SNTG1: variants seen among roughly 807,000 people sequenced by gnomAD.
SNTG1 encodes gamma-1-syntrophin.
A neutral mutation model predicts 74.7 loss-of-function variants in SNTG1; 39 were observed. That is an observed-to-expected ratio of 0.52 (90% CI 0.40 to 0.68). The LOEUF (loss-of-function observed/expected upper bound fraction) is 0.68. SNTG1 is among the 30% of genes least tolerant of loss of function. The probability of loss-of-function intolerance (pLI) is 0.00; values close to 1 mark genes in which losing one functional copy is unlikely to be tolerated. For synonymous variants in SNTG1, 254 were observed against 217.1 expected, an observed-to-expected ratio of 1.17 and a Z score of -1.49; for missense variants, 685 against 609.5, an observed-to-expected ratio of 1.12 and a Z score of -1.30.
chr8:50,286,874 G>A (rs773015283), intron 2 of SNTG1: 1 of 152,150 alleles, frequency 6.6e-6, no homozygotes, highest in Non-Finnish European at 1.5e-5. Context: ...CCATGACTCA[G>A]CTGAAGCAGC....
chr8:50,033,160 G>T (rs1230397651), intron 1 of SNTG1, among the ~76,000 whole-genome samples: 1 of 151,614 alleles, frequency 6.6e-6, no homozygotes, highest in Non-Finnish European at 1.5e-5. Flanking sequence ...TTGTTGCCCG[G>T]GTTGGAGTGC....
Position 50,020,196 on chromosome 8 carries a change from G to T in SNTG1, c.-103+107965G>T, listed in dbSNP as rs192182540. On this transcript the variant is annotated intron_variant, in intron 1 of 18. Transcript: ENST00000642720. ...GGAAAATGTTTTGCTTTGATGTAAA[G>T]CTCTTCCCCTCCTCCTCTTTTATCT... Among the ~76,000 whole-genome samples the T allele has an allele frequency of 2.6e-5, 4 of 152,268 alleles. No individual in the cohort carries two copies. In the East Asian group the frequency reaches 7.7e-4, roughly 29 times the overall value.
Position 50,529,417 on chromosome 8 carries a change from G to A in SNTG1, c.467-760G>A, listed in dbSNP as rs191821007. Among the ~76,000 whole-genome samples the A allele has an allele frequency of 3.9e-5, 6 of 152,020 alleles. No homozygotes were observed. The East Asian group carries it at 1.2e-3, about 29-fold the overall frequency. On this transcript the variant is annotated intron_variant, in intron 9 of 18. Coordinates refer to ENST00000642720, the MANE Select transcript of SNTG1 (RefSeq NM_018967.5). ...AGTAGTGTTCCCTATGACCTATGAT[G>A]TTTGAAATCAAGTATAATATTTCAA... is the stretch of plus-strand genomic sequence containing the variant.
intron 1 of SNTG1, among the ~76,000 whole-genome samples, chr8:50,063,339 A>G (rs1266637144): frequency 2.0e-5 from 3 of 152,384 alleles, no homozygotes; most frequent in Middle Eastern, 3.4e-3. Flanking sequence ...ATGCATTTGT[A>G]TATGTCACAA....
At chr8:50,509,711 T>C (rs998351942) in intron 9 of SNTG1, among the ~76,000 whole-genome samples, 1 of 152,152 alleles carries the variant, frequency 6.6e-6, no homozygotes, top group Non-Finnish European at 1.5e-5. Context: ...GATTTGGCTC[T>C]CTGTTTGTCT....
intron 1 of SNTG1, among the ~76,000 whole-genome samples, chr8:49,971,103 C>T (rs558172001): frequency 1.3e-4 from 20 of 152,112 alleles, no homozygotes; most frequent in African/African-American, 4.8e-4. Flanking sequence ...TGATGAACAT[C>T]GATGCAAAAA....
At chr8:50,740,530 C>T (rs1405524013) in intron 17 of SNTG1, among the ~76,000 whole-genome samples, 1 of 151,978 alleles carries the variant, frequency 6.6e-6, no homozygotes, top group East Asian at 1.9e-4. Flanking sequence ...AAAGCTTTTA[C>T]CTGGTTGGTG....
At chr8:50,556,303 G>T (rs376579525) in intron 12 of SNTG1, among the ~76,000 whole-genome samples, 1 of 152,118 alleles carries the variant, frequency 6.6e-6, no homozygotes, top group Non-Finnish European at 1.5e-5. Flanking sequence ...ACATTGGAAA[G>T]CAAAGCATGG....
chr8:50,512,288 G>A (rs2094086114), intron 9 of SNTG1, among the ~76,000 whole-genome samples: 1 of 152,134 alleles, frequency 6.6e-6, no homozygotes, highest in South Asian at 2.1e-4. Flanking sequence ...GAGATCAGCT[G>A]TTAGTCTAAT....
chr8:50,772,946 CT>C (rs981647304), intron 18 of SNTG1, among the ~76,000 whole-genome samples: 2 of 152,106 alleles, frequency 1.3e-5, no homozygotes, highest in African/African-American at 4.8e-5. Flanking sequence ...TCCACTTTCC[CT>C]TTCTGCCATG....
intron 2 of SNTG1, among the ~76,000 whole-genome samples, chr8:50,261,998 C>T (rs1197821407): frequency 6.6e-6 from 1 of 152,042 alleles, no homozygotes; most frequent in African/African-American, 2.4e-5. Flanking sequence ...GGGTCCCTAA[C>T]CCCAGTGTAT....
intron 11 of SNTG1, among the ~76,000 whole-genome samples, chr8:50,538,173 T>C (rs2094320942): frequency 6.6e-6 from 1 of 152,166 alleles, no homozygotes; most frequent in Non-Finnish European, 1.5e-5. Context: ...ATAGAAATGT[T>C]GCTTCCATTA....
At chr8:50,657,375 G>A (rs1368814362) in intron 14 of SNTG1, among the ~76,000 whole-genome samples, 1 of 152,014 alleles carries the variant, frequency 6.6e-6, no homozygotes, top group African/African-American at 2.4e-5. Flanking sequence ...AAAAATTAAA[G>A]AAATGAATAT....
chr8:50,198,981 C>T (rs1219478501), intron 2 of SNTG1, among the ~76,000 whole-genome samples: 1 of 152,148 alleles, frequency 6.6e-6, no homozygotes, highest in Non-Finnish European at 1.5e-5. Context: ...AATGCTTACA[C>T]AGGGAATTAG....
At chr8:50,352,695 T>C (rs967089429) in intron 2 of SNTG1, among the ~76,000 whole-genome samples, 6 of 152,204 alleles carry the variant, frequency 3.9e-5, no homozygotes, top group Non-Finnish European at 8.8e-5. Flanking sequence ...TGGTCCTTTC[T>C]GTTCTGGTAA....
intron 4 of SNTG1, among the ~76,000 whole-genome samples, chr8:50,406,919 A>G (rs1206059312): frequency 6.6e-6 from 1 of 152,146 alleles, no homozygotes. Context: ...ATCTGAGGAA[A>G]GCCAATCTAC....
intron 5 of SNTG1, 149 bp from the exon 6 acceptor site, chr8:50,449,519 A>G: frequency 2.1e-6 from 1 of 477,108 alleles, no homozygotes; most frequent in East Asian, 3.5e-5. Context: ...TCATGGGAGC[A>G]CTATCTACTT....
At chr8:50,156,975 T>C (rs982123755) in intron 1 of SNTG1, among the ~76,000 whole-genome samples, 2 of 152,106 alleles carry the variant, frequency 1.3e-5, no homozygotes, top group Non-Finnish European at 2.9e-5. Flanking sequence ...CAAGTGTTCA[T>C]AGCAGTTTTT....
intron 1 of SNTG1, among the ~76,000 whole-genome samples, chr8:50,093,147 A>G (rs1287528250): frequency 6.6e-6 from 1 of 152,102 alleles, no homozygotes; most frequent in Admixed American, 6.6e-5. Context: ...CCACCTAAGG[A>G]AGGGTTTGCC....
Sources: gnomAD v4.1 joint callset for allele counts (sites outside exome capture counted in the v4.1 genomes callset) on GRCh38, gnomAD v4.1.1 for gene constraint, MANE v1.5 for transcripts, NCBI Gene and HGNC (gene_info 2026-07-23, HGNC 2026-07-21) for gene names.